ASAP2: variants seen among roughly 807,000 people sequenced by gnomAD.
ASAP2 encodes ArfGAP with SH3 domain, ankyrin repeat and PH domain 2.
In ASAP2, 45 loss-of-function variants were observed where a neutral mutation model predicts 131.4. That is an observed-to-expected ratio of 0.34 (90% confidence interval 0.27 to 0.44). The LOEUF (loss-of-function observed/expected upper bound fraction) is 0.44, where lower values mean the gene tolerates loss of function less well. Among genes scored for constraint, ASAP2 ranks in the 20% least tolerant of loss-of-function variants. The pLI, the probability that ASAP2 is intolerant of heterozygous loss-of-function variation, is 1.00. For missense variants in ASAP2, 1,011 were observed against 1,297.0 expected, an observed-to-expected ratio of 0.78 and a Z score of 3.39; for synonymous variants, 510 against 503.0, an observed-to-expected ratio of 1.01 and a Z score of -0.19.
rs575083891 is a variant in ASAP2 at position 9,245,781 on chromosome 2, CACT to C, written c.127-33534_127-33532del. Among the ~76,000 whole-genome samples, 453 of 152,218 alleles carry C rather than the reference CACT, an allele frequency of 3.0e-3. 3 individuals are homozygous for C. The highest frequency in any genetic ancestry group is 0.01 in the African/African-American group (425 of 41,536). ...CATTAGTCGGTTCGTCGTCTGCCTC[CACT>C]AGAGTGTCATGGATGCTCCTGGGGG... On this transcript the variant is annotated intron_variant, in intron 1 of 27. Coordinates refer to ENST00000281419, the MANE Select transcript of ASAP2 (RefSeq NM_003887.3).
rs1265487278 is a variant in ASAP2 at position 9,356,106 on chromosome 2, T to A, written c.1160+11T>A. On this transcript the variant is annotated intron_variant, in intron 13 of 27. Coordinates refer to ENST00000281419, the MANE Select transcript of ASAP2 (RefSeq NM_003887.3). Reference sequence around the variant, plus strand: ...ACAGGAATGTCAAATGTAAGTTACATGGTGGTGGGACTTTGGGCTGGACTC... The same window carrying A: ...ACAGGAATGTCAAATGTAAGTTACAAGGTGGTGGGACTTTGGGCTGGACTC... 3.1e-6 allele frequency: 5 copies of A among 1,614,202 alleles called. No individual in the cohort carries two copies. The highest frequency in any genetic ancestry group is 1.6e-4 in the Middle Eastern group (1 of 6,062).
chr2:9,377,199 T>C (rs1167390608), intron 18 of ASAP2, among the ~76,000 whole-genome samples: 1 of 152,184 alleles, frequency 6.6e-6, no homozygotes, highest in African/African-American at 2.4e-5. Flanking sequence ...TTTGTGGTAA[T>C]TGCAGGGTCC....
intron 3 of ASAP2, among the ~76,000 whole-genome samples, chr2:9,302,268 G>A (rs183940960): frequency 3.3e-5 from 5 of 149,492 alleles, no homozygotes; most frequent in South Asian, 2.1e-4. Flanking sequence ...TGCCTCTCGC[G>A]TTCAAGCGAT....
chr2:9,337,449 C>T (rs947898909), intron 9 of ASAP2, among the ~76,000 whole-genome samples: 8 of 152,088 alleles, frequency 5.3e-5, no homozygotes, highest in South Asian at 2.1e-4. Context: ...TTGTTTAGGC[C>T]GTCATTCCCT....
intron 1 of ASAP2, among the ~76,000 whole-genome samples, chr2:9,275,345 T>C (rs192698800): frequency 6.6e-6 from 1 of 152,240 alleles, no homozygotes; most frequent in Admixed American, 6.5e-5. Context: ...ACTGGTATTA[T>C]AGTAGGTGTG....
intron 1 of ASAP2, among the ~76,000 whole-genome samples, chr2:9,220,604 C>G (rs967351856): frequency 6.6e-6 from 1 of 152,038 alleles, no homozygotes; most frequent in African/African-American, 2.4e-5. Flanking sequence ...AACATTAGAC[C>G]CAGATCAGAT....
intron 2 of ASAP2, 39 bp downstream of exon 2, chr2:9,279,428 A>G (rs777178807): frequency 2.5e-6 from 4 of 1,591,920 alleles, no homozygotes; most frequent in Non-Finnish European, 3.4e-6. Flanking sequence ...CTGTGTGGAA[A>G]ATGTCGCATT....
At chr2:9,395,579 TCTTGTG>T (rs1488861392) in intron 24 of ASAP2, among the ~76,000 whole-genome samples, 1 of 149,046 alleles carries the variant, frequency 6.7e-6, no homozygotes, top group East Asian at 1.9e-4. Context: ...GTTTTGTTTT[TCTTGTG>T]TTTTTTTTCT....
rs1396619198 is a variant in ASAP2 at position 9,217,966 on chromosome 2, C to A, written c.126+10736C>A. Among the ~76,000 whole-genome samples, 5 of 150,158 alleles carry A rather than the reference C, an allele frequency of 3.3e-5. No homozygotes were observed. On this transcript the variant is annotated intron_variant, in intron 1 of 27. Coordinates refer to ENST00000281419, the MANE Select transcript of ASAP2 (RefSeq NM_003887.3). This position sits in a 1 kb window ranked among gnomAD's most constrained non-coding sequence, Gnocchi z 4.0. ...TGATGACAATGCTTTAATTTCATTT[C>A]TCTGAGCTTTAATTCTGTATTAAGG...
At chr2:9,293,891 G>C (rs1031546958) in intron 2 of ASAP2, among the ~76,000 whole-genome samples, 2 of 151,958 alleles carry the variant, frequency 1.3e-5, no homozygotes, top group Admixed American at 1.3e-4. Flanking sequence ...CACTGTAAAC[G>C]TAAATCCATG....
chr2:9,335,270 G>A, intron 9 of ASAP2, 91 bp downstream of exon 9: 1 of 1,144,780 alleles, frequency 8.7e-7, no homozygotes, highest in Non-Finnish European at 1.3e-6. Flanking sequence ...TCTTCTAGGA[G>A]CTCACAGTTC....
intron 21 of ASAP2, among the ~76,000 whole-genome samples, chr2:9,386,906 C>T (rs996817171): frequency 1.3e-5 from 2 of 152,290 alleles, no homozygotes; most frequent in Non-Finnish European, 2.9e-5. Context: ...CATTCACTTC[C>T]AAGAAAGCAC....
intron 15 of ASAP2, among the ~76,000 whole-genome samples, chr2:9,366,576 C>A (rs1272628403): frequency 6.6e-6 from 1 of 152,196 alleles, no homozygotes; most frequent in Non-Finnish European, 1.5e-5. Flanking sequence ...TGCATAGGTA[C>A]CTGTCACCTT....
intron 7 of ASAP2, among the ~76,000 whole-genome samples, chr2:9,331,451 A>G (rs1487703565): frequency 1.3e-5 from 2 of 152,212 alleles, no homozygotes; most frequent in Non-Finnish European, 2.9e-5. Flanking sequence ...GAAGTAGGGC[A>G]TTATAACATT....
rs963964899 is a variant in ASAP2, at chr2:9,232,548, A to G, written c.126+25318A>G. On this transcript the variant is annotated intron_variant, in intron 1 of 27. Coordinates refer to ENST00000281419, the MANE Select transcript of ASAP2 (RefSeq NM_003887.3). This position sits in a 1 kb window ranked among gnomAD's most constrained non-coding sequence, Gnocchi z 4.1. Reference sequence around the variant, plus strand: ...CCTCACTTAGCACATAACTTGTCATATTTTTAATTTATTTTCTATCTCCCC... The same window carrying G: ...CCTCACTTAGCACATAACTTGTCATGTTTTTAATTTATTTTCTATCTCCCC... 6.6e-6 allele frequency among the ~76,000 whole-genome samples: 1 copy of G among 152,218 alleles called. No homozygotes were observed. The highest frequency in any genetic ancestry group is 1.5e-5 in the Non-Finnish European group (1 of 68,040).
chr2:9,290,193 G>GTTATTTAT (rs141692216), intron 2 of ASAP2, among the ~76,000 whole-genome samples: 6 of 152,056 alleles, frequency 3.9e-5, no homozygotes, highest in East Asian at 1.9e-4. Context: ...ATATTCTAAT[G>GTTATTTAT]TTATTTATTT....
At chr2:9,271,687 A>C (rs553452671) in intron 1 of ASAP2, 18 of 565,116 alleles carry the variant, frequency 3.2e-5, no homozygotes, top group African/African-American at 2.3e-4. Context: ...GGCAGAGGGT[A>C]CGGAAAGTAG....
At chr2:9,272,850 A>C (rs976735894) in intron 1 of ASAP2, among the ~76,000 whole-genome samples, 1 of 152,208 alleles carries the variant, frequency 6.6e-6, no homozygotes, top group Non-Finnish European at 1.5e-5. Context: ...TTTGTAAAAA[A>C]TGAGTTCACT....
In ASAP2 at chr2:9,388,404, G is replaced by A. The variant is rs1187562781; in HGVS notation, c.2241G>A (p.Lys747=). The change falls in exon 22 of 28, where the codon AAG becomes AAA. Residue 747 remains lysine, a synonymous_variant. Transcript: ENST00000281419. ...CCAGAGATGCTGCAAACCTTGCCAA[G>A]GAGAAGCAGAGGGCTTTCATGCCCA... ...SLARDAANLA[K]EKQRAFMPSI... is the part of the protein sequence containing the mutation. 1.2e-6 allele frequency: 2 copies of A among 1,614,006 alleles called. No homozygotes were observed. The highest frequency in any genetic ancestry group is 1.7e-5 in the Admixed American group (1 of 59,994).
Sources: allele counts gnomAD v4.1 joint callset (sites outside exome capture counted in the v4.1 genomes callset), GRCh38; gene constraint gnomAD v4.1.1; non-coding constraint Gnocchi (gnomAD v3.1); transcripts MANE v1.5; gene names NCBI Gene and HGNC (gene_info 2026-07-23, HGNC 2026-07-21).